CACNG3: variants seen among roughly 807,000 people sequenced by gnomAD.
The protein encoded by CACNG3 is calcium voltage-gated channel auxiliary subunit gamma 3.
CACNG3 carries 3 observed loss-of-function variants against 28.5 expected under a neutral mutation model. That is an observed-to-expected ratio of 0.11 (90% CI 0.05 to 0.27). CACNG3 has a LOEUF of 0.27. Among genes scored for constraint, CACNG3 ranks in the 10% least tolerant of loss-of-function variants. CACNG3 has a pLI of 1.00. For missense variants in CACNG3, 236 were observed against 414.4 expected, an observed-to-expected ratio of 0.57 and a Z score of 3.74; for synonymous variants, 174 against 162.2, an observed-to-expected ratio of 1.07 and a Z score of -0.55.
At chr16:24,330,294 G>A (rs1403810983) in intron 1 of CACNG3, among the ~76,000 whole-genome samples, 2 of 152,158 alleles carry the variant, frequency 1.3e-5, no homozygotes, top group Non-Finnish European at 2.9e-5. Flanking sequence ...TTGCTTGTAG[G>A]GAGACCTCAG....
intron 1 of CACNG3, among the ~76,000 whole-genome samples, chr16:24,286,890 A>G (rs1208985033): frequency 6.6e-6 from 1 of 152,214 alleles, no homozygotes; most frequent in East Asian, 1.9e-4. Context: ...GACTTTCATT[A>G]GAGCCCCAGG....
chr16:24,314,090 G>A (rs1899313858), intron 1 of CACNG3, among the ~76,000 whole-genome samples: 2 of 152,014 alleles, frequency 1.3e-5, no homozygotes, highest in South Asian at 4.1e-4. Flanking sequence ...CAGGATAAAT[G>A]AAAAAATGAA....
chr16:24,285,352 C>G (rs1205562087), intron 1 of CACNG3, among the ~76,000 whole-genome samples: 1 of 152,186 alleles, frequency 6.6e-6, no homozygotes, highest in African/African-American at 2.4e-5. Context: ...AACCCGTTTA[C>G]TGCACCTAGT....
chr16:24,358,039 A>G (rs1900059275), intron 3 of CACNG3, among the ~76,000 whole-genome samples: 1 of 152,204 alleles, frequency 6.6e-6, no homozygotes, highest in African/African-American at 2.4e-5. Context: ...AAGAACCCGA[A>G]GATCTTGTTT....
chr16:24,301,275 G>C (rs1376724089), intron 1 of CACNG3, among the ~76,000 whole-genome samples: 1 of 150,646 alleles, frequency 6.6e-6, no homozygotes, highest in Non-Finnish European at 1.5e-5. Flanking sequence ...ATATTAAAAA[G>C]GGGTCCCACA....
chr16:24,281,348 C>G (rs887556879), intron 1 of CACNG3, among the ~76,000 whole-genome samples: 2 of 151,638 alleles, frequency 1.3e-5, no homozygotes, highest in African/African-American at 4.9e-5. Context: ...CAGGCATGCA[C>G]CACCATACCC....
rs76260437 is a variant in CACNG3, at chr16:24,306,793, C to A, written c.212-39941C>A. On this transcript the variant is annotated intron_variant, in intron 1 of 3. Transcript: ENST00000005284. ...AGCCCACCCACTCCAGCCCATGAAGCCCCTCCTGGCCTCACCCCCATTTTA... is the reference window on the plus strand; with the variant it reads ...AGCCCACCCACTCCAGCCCATGAAGACCCTCCTGGCCTCACCCCCATTTTA... Among the ~76,000 whole-genome samples, 974 of 152,218 alleles carry A rather than the reference C, an allele frequency of 6.4e-3. 10 individuals carry two copies. Among genetic ancestry groups the A allele is most frequent in the African/African-American group, 0.022 (895 of 41,506 alleles).
intron 1 of CACNG3, among the ~76,000 whole-genome samples, chr16:24,336,760 C>T (rs564726109): frequency 6.6e-6 from 1 of 151,878 alleles, no homozygotes; most frequent in Non-Finnish European, 1.5e-5. Flanking sequence ...CCAGCAGGCC[C>T]CACTCCTAAT....
intron 2 of CACNG3, among the ~76,000 whole-genome samples, chr16:24,351,620 A>AGGGGAAGGGGAG (rs1311789992): frequency 8.8e-5 from 6 of 68,360 alleles, no homozygotes; most frequent in African/African-American, 2.9e-4. Context: ...GGGAAGGGGA[A>AGGGGAAGGGGAG]GGAGGGGAAG....
chr16:24,312,982 TAAAAGAAA>T (rs1899292116), intron 1 of CACNG3, among the ~76,000 whole-genome samples: 1 of 64,352 alleles, frequency 1.6e-5, no homozygotes, highest in South Asian at 5.4e-4. Context: ...AAGAAAGAAA[TAAAAGAAA>T]GAAAGAAAGA....
chr16:24,333,501 T>C (rs576372931), intron 1 of CACNG3: 1 of 152,526 alleles, frequency 6.6e-6, no homozygotes, highest in South Asian at 2.1e-4. Flanking sequence ...ACTTACAATT[T>C]TCAGACACCA....
chr16:24,316,723 C>T (rs538622491), intron 1 of CACNG3, among the ~76,000 whole-genome samples: 16 of 152,332 alleles, frequency 1.1e-4, no homozygotes, highest in African/African-American at 3.6e-4. Context: ...GTCCCTTCCC[C>T]ACCCTTGGCT....
intron 2 of CACNG3, among the ~76,000 whole-genome samples, chr16:24,354,179 A>C (rs1014202387): frequency 6.6e-6 from 1 of 152,130 alleles, no homozygotes; most frequent in Non-Finnish European, 1.5e-5. Flanking sequence ...GTGACAGAAC[A>C]AGCATCATCT....
At chr16:24,312,920 G>GAAAGAAAGAAAGAAAGA (rs1899285369) in intron 1 of CACNG3, among the ~76,000 whole-genome samples, 5 of 122,130 alleles carry the variant, frequency 4.1e-5, no homozygotes, top group African/African-American at 1.3e-4. Context: ...AGGAAGGAAG[G>GAAAGAAAGAAAGAAAGA]AAGAAAGAAA....
At chr16:24,284,376 A>G (rs1341781119) in intron 1 of CACNG3, among the ~76,000 whole-genome samples, 1 of 152,130 alleles carries the variant, frequency 6.6e-6, no homozygotes, top group Non-Finnish European at 1.5e-5. Context: ...TTTCTCTCAC[A>G]TCTTATTTGC....
intron 1 of CACNG3, among the ~76,000 whole-genome samples, chr16:24,315,203 G>A (rs1327744705): frequency 6.6e-6 from 1 of 152,148 alleles, no homozygotes; most frequent in Admixed American, 6.6e-5. Context: ...TGAGGGCCGG[G>A]CCATAGTGTC....
chr16:24,298,599 A>C (rs1189975125), intron 1 of CACNG3, among the ~76,000 whole-genome samples: 1 of 152,234 alleles, frequency 6.6e-6, no homozygotes, highest in Admixed American at 6.5e-5. Flanking sequence ...AAGATGTTAC[A>C]TGAATATGAG....
intron 1 of CACNG3, among the ~76,000 whole-genome samples, chr16:24,332,358 G>T (rs1899642171): frequency 6.6e-6 from 1 of 151,724 alleles, no homozygotes. Context: ...CCAGCTACTT[G>T]GTAGGCTGCA....
intron 1 of CACNG3, among the ~76,000 whole-genome samples, chr16:24,273,311 T>C (rs1898713190): frequency 6.6e-6 from 1 of 152,212 alleles, no homozygotes; most frequent in Non-Finnish European, 1.5e-5. Flanking sequence ...ATCTATTGAC[T>C]TCCTGCCATG....
Sources: gnomAD v4.1 joint callset for allele counts (sites outside exome capture counted in the v4.1 genomes callset) on GRCh38, gnomAD v4.1.1 for gene constraint, MANE v1.5 for transcripts, NCBI Gene and HGNC (gene_info 2026-07-23, HGNC 2026-07-21) for gene names.